Variants in ZNF35 observed in about 807,000 individuals in gnomAD.
The protein encoded by ZNF35 is zinc finger protein 35.
In ZNF35, 31 loss-of-function variants were observed where a neutral mutation model predicts 45.9. The ratio of observed to expected loss-of-function variants is 0.68; its 90% CI spans 0.51 to 0.91. ZNF35 has a LOEUF of 0.91. Ranked by LOEUF, ZNF35 falls within the 40% of genes least tolerant of loss-of-function variation. The pLI is 0.00. For synonymous variants in ZNF35, 205 were observed against 220.2 expected (o/e 0.93, Z 0.61); for missense variants, 515 against 625.4 (o/e 0.82, Z 1.88).
At chr3:44,646,570 A>T, upstream of ZNF35, 2 of 1,027,618 alleles carry the variant, frequency 1.9e-6, no homozygotes, top group Non-Finnish European at 3.1e-6. Context: ...GGAATATTGC[A>T]TAAGAAAGCT....
chr3:44,659,188 G>A lies in ZNF35; in HGVS notation c.825G>A (p.Gln275=). 6.2e-7 allele frequency: 1 copy of A among 1,614,148 alleles called. No individual in the cohort carries two copies. The highest frequency in any genetic ancestry group is 1.1e-5 in the South Asian group (1 of 91,084). ...LVVHQRIHTG[Q]KPYVCSKCGK... The stretch of plus-strand genomic sequence containing the variant: ...TGCATCAGAGAATCCACACTGGACA[G>A]AAACCTTATGTTTGCTCAAAATGTG... Residue 275 remains glutamine (Q), a synonymous_variant, in exon 4 of 4, where the codon CAG becomes CAA. Transcript: ENST00000396056. The surrounding 1 kb of genome is among the most constrained non-coding windows in gnomAD (Gnocchi z 4.3).
chr3:44,658,081 T>C (rs532595874), intron 3 of ZNF35, among the ~76,000 whole-genome samples: 17 of 152,330 alleles, frequency 1.1e-4, no homozygotes, highest in African/African-American at 4.1e-4. Context: ...AGTCTAGCTC[T>C]AGAATCCATG....
chr3:44,659,702 G>T lies in ZNF35; in HGVS notation c.1339G>T (p.Val447Leu). 1 of 1,614,042 alleles carries T rather than the reference G, an allele frequency of 6.2e-7. No homozygotes were observed. The highest frequency in any genetic ancestry group is 8.5e-7 in the Non-Finnish European group (1 of 1,179,988). The part of the protein sequence containing the change: ...QRIHSGDLPY[V>L]CNECGKAFTC... ...AATTCACAGTGGAGATCTTCCTTACGTGTGTAATGAATGTGGGAAGGCCTT... is the reference window on the plus strand; with the variant it reads ...AATTCACAGTGGAGATCTTCCTTACTTGTGTAATGAATGTGGGAAGGCCTT... Residue 447 changes from valine (V) to leucine (L), a missense_variant, in exon 4 of 4, where the codon GTG becomes TTG. This residue lies in a region of ZNF35 where 232 missense variants were observed against 304.6 expected (regional missense o/e 0.76). Coordinates refer to ENST00000396056, the MANE Select transcript of ZNF35 (RefSeq NM_003420.4). This position sits in a 1 kb window ranked among gnomAD's most constrained non-coding sequence, Gnocchi z 4.3.
intron 3 of ZNF35, among the ~76,000 whole-genome samples, chr3:44,655,904 G>A (rs1703291875): frequency 6.6e-6 from 1 of 152,206 alleles, no homozygotes; most frequent in South Asian, 2.1e-4. Context: ...CAGTAAGGAG[G>A]GTAGGAGTGA....
upstream of ZNF35, chr3:44,647,321 G>A (rs1318955260): frequency 3.3e-5 from 5 of 152,030 alleles, no homozygotes; most frequent in African/African-American, 7.2e-5. Flanking sequence ...TGCTGGCAAG[G>A]ATGAAGAGAA....
At chr3:44,658,491 G>C (rs1703348323) in intron 3 of ZNF35, among the ~76,000 whole-genome samples, 1 of 152,198 alleles carries the variant, frequency 6.6e-6, no homozygotes, top group South Asian at 2.1e-4. Context: ...AAGACCACGA[G>C]TCAGTGGGTT....
intron 3 of ZNF35, 21 bp from the exon 4 acceptor site, chr3:44,658,680 A>G: frequency 6.5e-7 from 1 of 1,538,574 alleles, no homozygotes; most frequent in Non-Finnish European, 8.7e-7. Flanking sequence ...TAACATTTGT[A>G]TTTTCTGTTT....
chr3:44,658,341 G>A (rs912577077), intron 3 of ZNF35, among the ~76,000 whole-genome samples: 1 of 152,228 alleles, frequency 6.6e-6, no homozygotes, highest in African/African-American at 2.4e-5. Context: ...GGAGAGGCTT[G>A]TGTCCTTCAT....
upstream of ZNF35, chr3:44,647,239 G>A: frequency 6.6e-6 from 1 of 151,572 alleles, no homozygotes; most frequent in Admixed American, 6.6e-5. Flanking sequence ...TAGGCATGAG[G>A]GAAATGCAGA....
rs770412285 is a variant in ZNF35 at position 44,659,361 on chromosome 3, G to T, written c.998G>T (p.Cys333Phe). The T allele has an allele frequency of 1.6e-5, 26 of 1,613,886 alleles. No individual in the cohort carries two copies. In the South Asian group the frequency reaches 2.7e-4, roughly 17 times the overall value. ...CAGAAAGTCCACATTACGGAAAAATGCTATGAATGTAATGAATGTGGGAAA... is the reference window on the plus strand; with the variant it reads ...CAGAAAGTCCACATTACGGAAAAATTCTATGAATGTAATGAATGTGGGAAA... ...RHQKVHITEK[C>F]YECNECGKTF... Residue 333 changes from cysteine (C) to phenylalanine (F), a missense_variant, in exon 4 of 4, where the codon TGC becomes TTC. Cys to Phe is a radical substitution (Grantham distance 205). Coordinates refer to ENST00000396056, the MANE Select transcript of ZNF35 (RefSeq NM_003420.4). The surrounding 1 kb of genome is among the most constrained non-coding windows in gnomAD (Gnocchi z 4.3).
intron 1 of ZNF35, among the ~76,000 whole-genome samples, chr3:44,649,297 A>T (rs538342409): frequency 3.4e-4 from 52 of 152,328 alleles, no homozygotes; most frequent in South Asian, 8.3e-4. Flanking sequence ...TCGGATAGTG[A>T]TGGAAAGAAT....
rs1029757204 is a variant in ZNF35, at chr3:44,652,600, C to T, written c.236C>T (p.Thr79Ile). The change falls in exon 3 of 4, where the codon ACT becomes ATT. Residue 79 changes from threonine to isoleucine, a missense_variant. Thr to Ile is a moderately conservative substitution (Grantham distance 89). Around this residue, in one of 3 missense-constraint regions of ZNF35, gnomAD observed 275 missense variants for 295.7 expected, o/e 0.93. Transcript: ENST00000396056. Reference protein sequence around the residue: ...SWDMAVVLKATQEAPAASTLG... With the variant: ...SWDMAVVLKAIQEAPAASTLG... ...GATATGGCGGTAGTCCTGAAAGCAA[C>T]TCAGGAGGCACCTGCTGCTTCAACC... 3.7e-6 allele frequency: 6 copies of T among 1,610,998 alleles called. No homozygotes were observed. In the African/African-American group the frequency reaches 8.0e-5, roughly 22 times the overall value.
chr3:44,647,466 A>G (rs1703022059), upstream of ZNF35: 1 of 152,210 alleles, frequency 6.6e-6, no homozygotes, highest in Non-Finnish European at 1.5e-5. Flanking sequence ...TCCCAGAGAA[A>G]TGAAAACTTG....
At position 44,650,257 on chromosome 3, in the gene ZNF35, T is replaced by C. The variant is rs536537936; in HGVS notation, c.-127-684T>C. 4.6e-5 allele frequency among the ~76,000 whole-genome samples: 7 copies of C among 152,282 alleles called. 1 individual carries two copies. The South Asian group carries it at 1.4e-3, about 32-fold the overall frequency. ...ATCTTTTTTTAAATCTTAAGTGTAATATTTTATCTCACAGGACATTTGGAA... is the reference window on the plus strand; with the variant it reads ...ATCTTTTTTTAAATCTTAAGTGTAACATTTTATCTCACAGGACATTTGGAA... On this transcript the variant is annotated intron_variant, in intron 1 of 3. Transcript: ENST00000396056.
At position 44,658,866 on chromosome 3, in the gene ZNF35, A is replaced by G; in HGVS notation, c.503A>G (p.Lys168Arg). 6.2e-7 allele frequency: 1 copy of G among 1,613,202 alleles called. No homozygotes were observed. The highest frequency in any genetic ancestry group is 8.5e-7 in the Non-Finnish European group (1 of 1,179,838). ...KGNMLKRQRIKREKKDFRQVI... is the reference protein window; with the variant it reads ...KGNMLKRQRIRREKKDFRQVI... ...AACATGTTAAAGAGGCAGAGAATAA[A>G]GAGAGAAAAGAAAGATTTCAGACAA... is the stretch of plus-strand genomic sequence containing the variant. The change falls in exon 4 of 4, where the codon AAG becomes AGG. Residue 168 changes from lysine (K) to arginine (R), a missense_variant. Lys to Arg is a conservative substitution (Grantham distance 26). This residue lies in a region of ZNF35 where 275 missense variants were observed against 295.7 expected (regional missense o/e 0.93). Coordinates refer to ENST00000396056, the MANE Select transcript of ZNF35 (RefSeq NM_003420.4).
chr3:44,656,156 G>C (rs1011509200), intron 3 of ZNF35, among the ~76,000 whole-genome samples: 1 of 152,034 alleles, frequency 6.6e-6, no homozygotes, highest in East Asian at 1.9e-4. Context: ...AAAAACAGAA[G>C]AGGCATGAAA....
In ZNF35 at chr3:44,658,956, A is replaced by G. The variant is rs1703356046; in HGVS notation, c.593A>G (p.Lys198Arg). Residue 198 changes from lysine to arginine, a missense_variant, in exon 4 of 4, where the codon AAA becomes AGA. Transcript: ENST00000396056. ...FKEEENQKCK[K>R]SGGKYSLNSG... ...GAAGAGGAAAACCAGAAATGTAAGA[A>G]ATCTGGAGGAAAATATAGCCTTAAT... The G allele has an allele frequency of 6.2e-7, 1 of 1,613,962 alleles. No homozygotes were observed. Among genetic ancestry groups the G allele is most frequent in the Non-Finnish European group, 8.5e-7 (1 of 1,180,030 alleles).
chr3:44,646,685 T>C, upstream of ZNF35: 2 of 574,218 alleles, frequency 3.5e-6, no homozygotes, highest in Non-Finnish European at 6.2e-6. Context: ...TTCTCTGCTT[T>C]TGTGTATGTA....
rs149672066 is a variant in ZNF35 at position 44,659,511 on chromosome 3, G to A, written c.1148G>A (p.Ser383Asn). The A allele has an allele frequency of 6.2e-6, 10 of 1,613,510 alleles. No individual in the cohort carries two copies. Among genetic ancestry groups the A allele is most frequent in the Non-Finnish European group, 8.5e-6 (10 of 1,179,924 alleles). Residue 383 changes from serine to asparagine, a missense_variant, in exon 4 of 4, where the codon AGC becomes AAC. Coordinates refer to ENST00000396056, the MANE Select transcript of ZNF35 (RefSeq NM_003420.4). This position sits in a 1 kb window ranked among gnomAD's most constrained non-coding sequence, Gnocchi z 4.3. ...GCAAATCTTATTGTACATCAGCGAA[G>A]CCATACTGGTGAGAAGCCATATGAG... ...QSANLIVHQR[S>N]HTGEKPYECK... is the part of the protein sequence containing the mutation.
Sources: gnomAD v4.1 joint callset for allele counts (sites outside exome capture counted in the v4.1 genomes callset) on GRCh38, gnomAD v4.1.1 for gene constraint, gnomAD v4.1.1 regional missense constraint, Gnocchi (gnomAD v3.1) non-coding constraint, MANE v1.5 for transcripts, NCBI Gene and HGNC (gene_info 2026-07-23, HGNC 2026-07-21) for gene names.